The following ZNF652 variants were observed in gnomAD, a reference collection of about 807,000 sequenced individuals.
ZNF652 encodes the protein zinc finger protein 652.
Under a neutral mutation model 45.2 loss-of-function variants are expected in ZNF652, and 16 were observed. The observed-to-expected ratio is 0.35, with a 90% confidence interval of 0.24 to 0.54. The LOEUF (loss-of-function observed/expected upper bound fraction) is 0.54, where lower values mean the gene tolerates loss of function less well. ZNF652 is among the 20% of genes least tolerant of loss of function. The probability of loss-of-function intolerance (pLI) is 0.91; values close to 1 mark genes in which losing one functional copy is unlikely to be tolerated. For missense variants in ZNF652, 614 were observed against 765.6 expected (o/e 0.80, Z 2.34); for synonymous variants, 250 against 260.6 (o/e 0.96, Z 0.39).
chr17:49,344,767 T>C (rs568185508), intron 1 of ZNF652, among the ~76,000 whole-genome samples: 21 of 152,274 alleles, frequency 1.4e-4, no homozygotes, highest in South Asian at 1.0e-3. Context: ...GCAATCCGCC[T>C]GCCTCAGCCT....
At chr17:49,319,800 C>A (rs2069864127) in intron 1 of ZNF652, among the ~76,000 whole-genome samples, 1 of 152,074 alleles carries the variant, frequency 6.6e-6, no homozygotes, top group Non-Finnish European at 1.5e-5. Flanking sequence ...CACCACCACA[C>A]CTGGCTAATT....
chr17:49,352,283 G>A (rs1005961698), intron 1 of ZNF652, among the ~76,000 whole-genome samples: 1 of 148,464 alleles, frequency 6.7e-6, no homozygotes, highest in Non-Finnish European at 1.5e-5. Context: ...TCGTCTTCTT[G>A]CCAAGGACTA....
chr17:49,307,850 ATATG>A (rs755853034), intron 5 of ZNF652, among the ~76,000 whole-genome samples: 5 of 152,152 alleles, frequency 3.3e-5, no homozygotes, highest in African/African-American at 4.8e-5. Flanking sequence ...TGCCTGACAT[ATATG>A]TATGTAATAA....
At chr17:49,332,080 T>G (rs924357274) in intron 1 of ZNF652, among the ~76,000 whole-genome samples, 1 of 152,088 alleles carries the variant, frequency 6.6e-6, no homozygotes, top group East Asian at 1.9e-4. Context: ...CAAGACCAGC[T>G]TGGCCAGCGT....
intron 5 of ZNF652, among the ~76,000 whole-genome samples, chr17:49,310,288 C>G (rs1456291909): frequency 6.6e-6 from 1 of 152,122 alleles, no homozygotes; most frequent in Non-Finnish European, 1.5e-5. Flanking sequence ...ACTCTGTAGA[C>G]TAATGGAACC....
rs552871895 is a variant in ZNF652 at position 49,317,633 on chromosome 17, T to G, written c.93A>C (p.Gln31His). Residue 31 changes from glutamine to histidine, a missense_variant, in exon 2 of 6, where the codon CAA becomes CAC. Around this residue, in one of 5 missense-constraint regions of ZNF652, gnomAD observed 133 missense variants for 132.2 expected, o/e 1.01. Coordinates refer to ENST00000430262, the MANE Select transcript of ZNF652 (RefSeq NM_001145365.3). Reference sequence around the variant, plus strand: ...CACCATGATAAAAGGAAGATGGCACTTGACCACGACGGCTATCTTCTTGTG... The same window carrying G: ...CACCATGATAAAAGGAAGATGGCACGTGACCACGACGGCTATCTTCTTGTG... ...GMAQEDSRRGQVPSSFYHGAN... is the reference protein window; with the variant it reads ...GMAQEDSRRGHVPSSFYHGAN... 3.2e-4 allele frequency: 515 copies of G among 1,614,076 alleles called. 6 individuals carry two copies. The South Asian group carries it at 4.8e-3, about 15-fold the overall frequency.
chr17:49,316,636 G>A lies in ZNF652; in HGVS notation c.900+190C>T, dbSNP rs545721250. Among the ~76,000 whole-genome samples the A allele has an allele frequency of 1.3e-3, 204 of 152,240 alleles. 1 individual carries two copies. Among genetic ancestry groups the A allele is most frequent in the Non-Finnish European group, 2.5e-3 (168 of 68,016 alleles). On this transcript the variant is annotated intron_variant, in intron 2 of 5. Coordinates refer to ENST00000430262, the MANE Select transcript of ZNF652 (RefSeq NM_001145365.3). ...GTGCCTGGGTTCCCACTAGTCCAGC[G>A]TCAAATTTAATGCTTTTGAAATAAA...
intron 5 of ZNF652, among the ~76,000 whole-genome samples, chr17:49,307,721 C>T (rs1026649337): frequency 1.3e-5 from 2 of 151,466 alleles, no homozygotes; most frequent in African/African-American, 2.4e-5. Context: ...CACTGCACTC[C>T]AGCCTGGGCA....
intron 1 of ZNF652, among the ~76,000 whole-genome samples, chr17:49,335,790 A>T (rs2070073533): frequency 6.6e-6 from 1 of 152,192 alleles, no homozygotes; most frequent in Admixed American, 6.5e-5. Context: ...ATGATGCTTG[A>T]TGGAAATGAC....
rs1017258114 is a variant in ZNF652, at chr17:49,290,462, C to T, written c.*7951G>A. ...AGTGCCTGACCTAGAGGACTTGTTC[C>T]CTGATGTAACAGATATCTCTTTGGA... On this transcript the variant is annotated 3_prime_UTR_variant, in exon 6 of 6. Coordinates refer to ENST00000430262, the MANE Select transcript of ZNF652 (RefSeq NM_001145365.3). The T allele has an allele frequency of 6.6e-6, 1 of 152,170 alleles. No individual in the cohort carries two copies. Among genetic ancestry groups the T allele is most frequent in the South Asian group, 2.1e-4 (1 of 4,832 alleles). The allele number at this position is 152,170 out of a possible 1,614,324, so 9.4% of individuals were successfully genotyped here.
intron 1 of ZNF652, among the ~76,000 whole-genome samples, chr17:49,361,417 G>A (rs1301848573): frequency 1.3e-5 from 2 of 152,158 alleles, no homozygotes; most frequent in African/African-American, 2.4e-5. Context: ...TGGGGCTGCC[G>A]GTGGCGGGTG....
At chr17:49,310,740 A>C (rs1330980699) in intron 5 of ZNF652, among the ~76,000 whole-genome samples, 2 of 152,164 alleles carry the variant, frequency 1.3e-5, no homozygotes, top group African/African-American at 4.8e-5. Flanking sequence ...TGTCTCTACA[A>C]AAAATACAAA....
intron 2 of ZNF652, among the ~76,000 whole-genome samples, chr17:49,314,003 A>AAAAAAAAAAAAAAAAAAAAAAAAC (rs2069760293): frequency 7.2e-6 from 1 of 139,142 alleles, no homozygotes; most frequent in Non-Finnish European, 1.6e-5. Flanking sequence ...AAAAAAAAAA[A>AAAAAAAAAAAAAAAAAAAAAAAAC]AAAAAAAAAA....
rs1170459172 is a variant in ZNF652, at chr17:49,291,957, A to T, written c.*6456T>A. ...TCATCATCAAACATAACCAATTCTCACAATTTTGCACTATCTCACCAATAA... is the reference window on the plus strand; with the variant it reads ...TCATCATCAAACATAACCAATTCTCTCAATTTTGCACTATCTCACCAATAA... On this transcript the variant is annotated 3_prime_UTR_variant, in exon 6 of 6. Transcript: ENST00000430262. Among the ~76,000 whole-genome samples, 1 of 152,122 alleles carries T rather than the reference A, an allele frequency of 6.6e-6. No individual in the cohort carries two copies. Among genetic ancestry groups the T allele is most frequent in the Non-Finnish European group, 1.5e-5 (1 of 68,016 alleles).
At chr17:49,335,752 GAA>G (rs2070073207) in intron 1 of ZNF652, among the ~76,000 whole-genome samples, 1 of 152,116 alleles carries the variant, frequency 6.6e-6, no homozygotes, top group South Asian at 2.1e-4. Context: ...CTTGGGTTAA[GAA>G]AACAGTCCAC....
At chr17:49,361,857 G>A (rs985115192) in intron 1 of ZNF652, 52 bp downstream of exon 1, 1 of 151,210 alleles carries the variant, frequency 6.6e-6, no homozygotes, top group African/African-American at 2.4e-5. Flanking sequence ...AGGGCTGCCG[G>A]GGGCGCCGCC....
intron 1 of ZNF652, among the ~76,000 whole-genome samples, chr17:49,351,782 G>A (rs1233084807): frequency 7.9e-5 from 12 of 152,070 alleles, no homozygotes. Flanking sequence ...CAGGAGTTTT[G>A]AGGCCAGCCT....
At chr17:49,310,754 T>G (rs983743169) in intron 5 of ZNF652, among the ~76,000 whole-genome samples, 10 of 151,972 alleles carry the variant, frequency 6.6e-5, no homozygotes. Context: ...ATACAAAAAT[T>G]AGCCAGGTAT....
intron 1 of ZNF652, among the ~76,000 whole-genome samples, chr17:49,325,835 C>T (rs1204085541): frequency 6.6e-6 from 1 of 151,892 alleles, no homozygotes; most frequent in Non-Finnish European, 1.5e-5. Context: ...AATTTTTTTA[C>T]TTTTGGGGGT....
Sources: gnomAD v4.1 joint callset for allele counts (sites outside exome capture counted in the v4.1 genomes callset) on GRCh38, gnomAD v4.1.1 for gene constraint, gnomAD v4.1.1 regional missense constraint, MANE v1.5 for transcripts, NCBI Gene and HGNC (gene_info 2026-07-23, HGNC 2026-07-21) for gene names.